Variants in ATRN observed in about 807,000 individuals in gnomAD.
ATRN encodes attractin.
A neutral mutation model predicts 178.7 loss-of-function variants in ATRN; 54 were observed. The ratio of observed to expected loss-of-function variants is 0.30; its 90% CI spans 0.24 to 0.38. The LOEUF (loss-of-function observed/expected upper bound fraction) is 0.38, where lower values mean the gene tolerates loss of function less well. ATRN is among the 10% of genes least tolerant of loss of function. The probability of loss-of-function intolerance (pLI) is 1.00; values close to 1 mark genes in which losing one functional copy is unlikely to be tolerated. For synonymous variants in ATRN, 636 were observed against 663.0 expected, an observed-to-expected ratio of 0.96 and a Z score of 0.63; for missense variants, 1,443 against 1,815.1, an observed-to-expected ratio of 0.79 and a Z score of 3.73.
chr20:3,592,494 A>C (rs2086462271), intron 19 of ATRN: 1 of 983,058 alleles, frequency 1.0e-6, no homozygotes, highest in African/African-American at 1.7e-5. Context: ...TTATGAGAAC[A>C]AAAATTATGA....
At chr20:3,537,586 T>C (rs2085555650) in intron 2 of ATRN, among the ~76,000 whole-genome samples, 2 of 151,502 alleles carry the variant, frequency 1.3e-5, no homozygotes, top group African/African-American at 4.8e-5. Context: ...TATGTATACA[T>C]GTGCCATGTT....
chr20:3,564,881 C>A (rs1600110971), intron 10 of ATRN, among the ~76,000 whole-genome samples: 1 of 151,928 alleles, frequency 6.6e-6, no homozygotes, highest in East Asian at 1.9e-4. Context: ...CTGGCTAACA[C>A]GGTGAAACCC....
chr20:3,584,821 T>C lies in ATRN; in HGVS notation c.3125T>C (p.Leu1042Pro), dbSNP rs913504328. The C allele has an allele frequency of 1.2e-6, 2 of 1,614,090 alleles. No individual in the cohort carries two copies. Among genetic ancestry groups the C allele is most frequent in the African/African-American group, 1.3e-5 (1 of 74,932 alleles). ...PTGNFYPQPLLNSSMCLEDSR... is the reference protein window; with the variant it reads ...PTGNFYPQPLPNSSMCLEDSR... ...GGAAATTTCTATCCACAGCCCCTGC[T>C]CAATTCCAGCATGTGTCTAGAGGAC... The change falls in exon 18 of 29, where the codon CTC becomes CCC. Residue 1042 changes from leucine to proline, a missense_variant. Transcript: ENST00000262919.
At chr20:3,512,107 A>ATATATATATATATATATATTTT in intron 1 of ATRN, among the ~76,000 whole-genome samples, 10 of 106,386 alleles carry the variant, frequency 9.4e-5, no homozygotes, top group Non-Finnish European at 9.0e-5. Flanking sequence ...ATATATATAT[A>ATATATATATATATATATATTTT]TTTTTTTTTT....
chr20:3,567,651 A>G (rs986152307), intron 11 of ATRN, among the ~76,000 whole-genome samples: 9 of 152,214 alleles, frequency 5.9e-5, no homozygotes, highest in African/African-American at 2.2e-4. Context: ...AGAAACTTCG[A>G]TTCACAGCAT....
intron 1 of ATRN, among the ~76,000 whole-genome samples, chr20:3,479,746 C>G (rs925351708): frequency 6.6e-6 from 1 of 152,192 alleles, no homozygotes; most frequent in African/African-American, 2.4e-5. Flanking sequence ...GGATCTGTTC[C>G]ATGCCTTTCT....
At position 3,650,836 on chromosome 20, in the gene ATRN, T is replaced by A. The variant is rs1001971449; in HGVS notation, c.*3989T>A. On this transcript the variant is annotated 3_prime_UTR_variant, in exon 29 of 29. Coordinates refer to ENST00000262919, the MANE Select transcript of ATRN (RefSeq NM_139321.3). Reference sequence around the variant, plus strand: ...GATTTCGTTTGTTTGGATTCAAGCTTAGTTTGTTAATATGTATAATTTAGC... The same window carrying A: ...GATTTCGTTTGTTTGGATTCAAGCTAAGTTTGTTAATATGTATAATTTAGC... 6.6e-6 allele frequency: 1 copy of A among 152,668 alleles called. No homozygotes were observed. The highest frequency in any genetic ancestry group is 2.4e-5 in the African/African-American group (1 of 41,468). 9.5% of individuals were successfully genotyped at this position (152,668 alleles called of 1,614,324 possible).
chr20:3,564,454 A>G (rs1216369388), intron 10 of ATRN, among the ~76,000 whole-genome samples: 1 of 152,194 alleles, frequency 6.6e-6, no homozygotes, highest in Non-Finnish European at 1.5e-5. Context: ...AAAGACCGGC[A>G]CATATTTAAG....
chr20:3,556,271 T>TC lies in ATRN; in HGVS notation c.1113-3122_1113-3121insC, dbSNP rs1441228575. ...AGCACAAGGTGTTTCAGAAAAATTTTATAGTTTCTTCATGACAAAACCTGA... is the reference window on the plus strand; with the variant it reads ...AGCACAAGGTGTTTCAGAAAAATTTTCATAGTTTCTTCATGACAAAACCTGA... On this transcript the variant is annotated intron_variant, in intron 6 of 28. Coordinates refer to ENST00000262919, the MANE Select transcript of ATRN (RefSeq NM_139321.3). Among the ~76,000 whole-genome samples the TC allele has an allele frequency of 5.2e-4, 79 of 152,166 alleles. No individual in the cohort carries two copies. In the South Asian group the frequency reaches 5.6e-3, roughly 11 times the overall value.
At chr20:3,495,886 A>G (rs1354998357) in intron 1 of ATRN, among the ~76,000 whole-genome samples, 2 of 152,254 alleles carry the variant, frequency 1.3e-5, no homozygotes, top group East Asian at 3.9e-4. Context: ...AAACACACCA[A>G]TGGAATGATA....
intron 1 of ATRN, among the ~76,000 whole-genome samples, chr20:3,497,408 C>T (rs968845751): frequency 9.9e-5 from 15 of 152,062 alleles, no homozygotes; most frequent in African/African-American, 3.1e-4. Flanking sequence ...TTTTATTTCT[C>T]CTTCACTTAT....
chr20:3,646,707 C>T lies in ATRN; in HGVS notation c.4166-16C>T, dbSNP rs201752072. The T allele has an allele frequency of 6.9e-6, 11 of 1,589,458 alleles. No homozygotes were observed. Among genetic ancestry groups the T allele is most frequent in the Non-Finnish European group, 9.4e-6 (11 of 1,167,092 alleles). ...CAGCTGCTCCCAGCATATGTTCTCT[C>T]TGTGGTTCTCCCAAGGTCTTGCTGT... On this transcript the variant is annotated splice_polypyrimidine_tract_variant and intron_variant, in intron 28 of 28. Coordinates refer to ENST00000262919, the MANE Select transcript of ATRN (RefSeq NM_139321.3).
intron 6 of ATRN, among the ~76,000 whole-genome samples, chr20:3,558,914 G>A (rs553625913): frequency 6.6e-6 from 1 of 152,222 alleles, no homozygotes; most frequent in African/African-American, 2.4e-5. Flanking sequence ...TAGTACAAGT[G>A]AAATGCTATA....
At chr20:3,492,824 GAA>G (rs2084814319) in intron 1 of ATRN, among the ~76,000 whole-genome samples, 1 of 148,898 alleles carries the variant, frequency 6.7e-6, no homozygotes, top group Admixed American at 6.7e-5. Flanking sequence ...GAGAGAGAGA[GAA>G]ATAGAAAGGG....
rs538189936 is a variant in ATRN at position 3,483,330 on chromosome 20, T to A, written c.410+11813T>A. On this transcript the variant is annotated intron_variant, in intron 1 of 28. Transcript: ENST00000262919. ...ATTTAGAGTTTTCCAACTTTTGCTG[T>A]TACAAATAGTACTACAATTACATTC... Among the ~76,000 whole-genome samples, 306 of 152,338 alleles carry A rather than the reference T, an allele frequency of 2.0e-3. 1 individual carries two copies. The highest frequency in any genetic ancestry group is 7.1e-3 in the African/African-American group (295 of 41,582).
intron 1 of ATRN, chr20:3,490,917 T>G: frequency 7.7e-7 from 1 of 1,295,002 alleles, no homozygotes; most frequent in Non-Finnish European, 1.1e-6. Flanking sequence ...GAGCGTGGAC[T>G]TCTTAGTGAG....
rs1424740891 is a variant in ATRN at position 3,540,350 on chromosome 20, A to G, written c.608+15A>G. On this transcript the variant is annotated intron_variant, in intron 3 of 28. Transcript: ENST00000262919. The stretch of plus-strand genomic sequence containing the variant: ...GCTGCATTTAGGTAAGCTCAGTCTT[A>G]CAAGCCTTCTTTCATCGTTTGATTT... 1 of 1,468,892 alleles carries G rather than the reference A, an allele frequency of 6.8e-7. No homozygotes were observed. The highest frequency in any genetic ancestry group is 9.4e-7 in the Non-Finnish European group (1 of 1,063,940). The allele number at this position is 1,468,892 out of a possible 1,614,324, so 91.0% of individuals were successfully genotyped here.
chr20:3,473,344 T>TA (rs1423455596), intron 1 of ATRN, among the ~76,000 whole-genome samples: 3 of 152,088 alleles, frequency 2.0e-5, no homozygotes, highest in Admixed American at 2.0e-4. Flanking sequence ...GAGATGGTAC[T>TA]ACCTGCGTGA....
rs117261629 is a variant in ATRN at position 3,628,997 on chromosome 20, T to C, written c.3863+4425T>C. The C allele has an allele frequency of 4.2e-4, 415 of 985,312 alleles. No individual in the cohort carries two copies. In the African/African-American group the frequency reaches 6.3e-3, roughly 15 times the overall value. The allele number at this position is 985,312 out of a possible 1,614,324, so 61.0% of individuals were successfully genotyped here. On this transcript the variant is annotated intron_variant, in intron 25 of 28. Coordinates refer to ENST00000262919, the MANE Select transcript of ATRN (RefSeq NM_139321.3). ...TGCCCAGAAGTGACCAATTCCATCC[T>C]TCCTCACCGGTGTTCCCCACCTCAC... is the stretch of plus-strand genomic sequence containing the variant.
Sources: gnomAD v4.1 joint callset for allele counts (sites outside exome capture counted in the v4.1 genomes callset) on GRCh38, gnomAD v4.1.1 for gene constraint, MANE v1.5 for transcripts, NCBI Gene and HGNC (gene_info 2026-07-23, HGNC 2026-07-21) for gene names.